The following SCN1A variants were observed in gnomAD, a reference collection of about 807,000 sequenced individuals.
SCN1A encodes the protein sodium voltage-gated channel alpha subunit 1.
A neutral mutation model predicts 193.7 loss-of-function variants in SCN1A; 13 were observed. The ratio of observed to expected loss-of-function variants is 0.07; its 90% CI spans 0.04 to 0.11. The LOEUF (loss-of-function observed/expected upper bound fraction) is 0.11, where lower values mean the gene tolerates loss of function less well. Among genes scored for constraint, SCN1A ranks in the 10% least tolerant of loss-of-function variants. The pLI, the probability that SCN1A is intolerant of heterozygous loss-of-function variation, is 1.00. For missense variants in SCN1A, 1,432 were observed against 2,451.1 expected (o/e 0.58, Z 8.78); for synonymous variants, 781 against 843.6 (o/e 0.93, Z 1.29).
At chr2:166,107,440 G>A (rs1287496793) in intron 2 of SCN1A, among the ~76,000 whole-genome samples, 1 of 151,886 alleles carries the variant, frequency 6.6e-6, no homozygotes, top group Non-Finnish European at 1.5e-5. Context: ...TACAAAACAC[G>A]ATAGTTCAAA....
rs1689384635 is a variant in SCN1A, at chr2:165,992,434, CA to C, written c.4853-13del. The stretch of plus-strand genomic sequence containing the variant: ...GGCAAGAAACATACCTATGAATAAA[CA>C]ATGAGAATACCAACCAGTGAAGAAA... On this transcript the variant is annotated splice_polypyrimidine_tract_variant and intron_variant, in intron 28 of 28. Coordinates refer to ENST00000674923, the MANE Select transcript of SCN1A (RefSeq NM_001165963.4). This position sits in a 1 kb window ranked among gnomAD's most constrained non-coding sequence, Gnocchi z 6.5. 2.5e-6 allele frequency: 4 copies of C among 1,612,944 alleles called. No individual in the cohort carries two copies. The highest frequency in any genetic ancestry group is 3.4e-6 in the Non-Finnish European group (4 of 1,179,362).
At position 166,039,600 on chromosome 2, in the gene SCN1A, A is replaced by C. The variant is rs398123587; in HGVS notation, c.2416-4T>G. ...CTGTAAAGATCCCAGTGAAAACCTA[A>C]GATCAAAACAAAATTAATCTAATTC... is the stretch of plus-strand genomic sequence containing the variant. On this transcript the variant is annotated splice_polypyrimidine_tract_variant and splice_region_variant and intron_variant, in intron 16 of 28. Transcript: ENST00000674923. 2.0e-5 allele frequency: 33 copies of C among 1,612,708 alleles called. 1 individual carries two copies. The South Asian group carries it at 3.6e-4, about 18-fold the overall frequency.
At chr2:166,084,069 G>A (rs1685820597) in intron 2 of SCN1A, among the ~76,000 whole-genome samples, 1 of 152,106 alleles carries the variant, frequency 6.6e-6, no homozygotes, top group Non-Finnish European at 1.5e-5. Flanking sequence ...AGCTAGCAAT[G>A]AGAGAGGCAC....
At chr2:166,075,849 T>C (rs1008102690) in intron 3 of SCN1A, among the ~76,000 whole-genome samples, 4 of 152,010 alleles carry the variant, frequency 2.6e-5, no homozygotes, top group Admixed American at 2.6e-4. Flanking sequence ...TTTTGATATT[T>C]CCAATCTGAC....
chr2:166,076,868 C>G (rs115442843), intron 3 of SCN1A, among the ~76,000 whole-genome samples: 1 of 151,090 alleles, frequency 6.6e-6, no homozygotes, highest in Non-Finnish European at 1.5e-5. Context: ...AGACCTTATG[C>G]CTTTCACAAA....
chr2:166,035,836 A>T (rs11691603), intron 19 of SCN1A, among the ~76,000 whole-genome samples: 1 of 152,010 alleles, frequency 6.6e-6, no homozygotes, highest in African/African-American at 2.4e-5. Context: ...GCATGAGAGT[A>T]TATTGTACCA....
chr2:166,113,871 A>T (rs936514277), intron 2 of SCN1A, among the ~76,000 whole-genome samples: 1 of 152,168 alleles, frequency 6.6e-6, no homozygotes, highest in Non-Finnish European at 1.5e-5. Context: ...CAAATATACA[A>T]AAATTTTTAA....
At chr2:165,993,283 G>T (rs1252105855) in intron 28 of SCN1A, 1 of 151,544 alleles carries the variant, frequency 6.6e-6, no homozygotes, top group Non-Finnish European at 1.5e-5. Flanking sequence ...TTATAACCAA[G>T]GATTATAATT....
intron 2 of SCN1A, among the ~76,000 whole-genome samples, chr2:166,104,792 C>T (rs1688513078): frequency 1.3e-5 from 2 of 152,052 alleles, no homozygotes; most frequent in South Asian, 4.1e-4. Context: ...TATGAGACCG[C>T]CAAATGATAT....
chr2:166,006,283 C>A (rs1305819720), intron 23 of SCN1A, among the ~76,000 whole-genome samples: 1 of 151,182 alleles, frequency 6.6e-6, no homozygotes, highest in Non-Finnish European at 1.5e-5. Context: ...TTAATTAAGA[C>A]AGTTTTTTTG....
At chr2:166,005,186 G>T (rs1691483988) in intron 23 of SCN1A, among the ~76,000 whole-genome samples, 1 of 151,304 alleles carries the variant, frequency 6.6e-6, no homozygotes. Flanking sequence ...ATCTTCCAGG[G>T]CCTTGAGTGT....
intron 1 of SCN1A, among the ~76,000 whole-genome samples, chr2:166,139,926 A>G (rs1692014648): frequency 6.6e-6 from 1 of 152,208 alleles, no homozygotes; most frequent in Admixed American, 6.5e-5. Flanking sequence ...AAACATATGG[A>G]TATTCAAGCA....
chr2:166,096,902 A>G (rs985275468), intron 2 of SCN1A, among the ~76,000 whole-genome samples: 3 of 152,188 alleles, frequency 2.0e-5, no homozygotes, highest in African/African-American at 7.2e-5. Flanking sequence ...TAGACCTCCA[A>G]ATTTGCCCTT....
chr2:166,104,322 T>C (rs958730052), intron 2 of SCN1A: 2 of 152,204 alleles, frequency 1.3e-5, no homozygotes, highest in African/African-American at 4.8e-5. Context: ...ATGAACATTG[T>C]CTAATGTTAC....
intron 2 of SCN1A, among the ~76,000 whole-genome samples, chr2:166,079,290 A>G (rs1246997935): frequency 1.3e-5 from 2 of 151,174 alleles, no homozygotes; most frequent in African/African-American, 2.4e-5. Flanking sequence ...TGATGTGTAG[A>G]TAACACTTAT....
At position 166,047,732 on chromosome 2, in the gene SCN1A, A is replaced by G. The variant is rs757535449; in HGVS notation, c.1065T>C (p.Gly355=). The part of the protein sequence containing the change: ...CPEGYMCVKA[G]RNPNYGYTSF... The stretch of plus-strand genomic sequence containing the variant: ...TTGTGTAGCCATAATTGGGATTTCT[A>G]CCAGCTTTCACACACATATATCCCT... Residue 355 remains glycine, a synonymous_variant, in exon 11 of 29, where the codon GGT becomes GGC. Coordinates refer to ENST00000674923, the MANE Select transcript of SCN1A (RefSeq NM_001165963.4). 21 of 1,613,550 alleles carry G rather than the reference A, an allele frequency of 1.3e-5. No homozygotes were observed. The highest frequency in any genetic ancestry group is 3.3e-5 in the Admixed American group (2 of 59,954).
intron 7 of SCN1A, among the ~76,000 whole-genome samples, chr2:166,053,597 T>G (rs1175129785): frequency 6.6e-6 from 1 of 151,942 alleles, no homozygotes; most frequent in African/African-American, 2.4e-5. Context: ...ATTTTGTTCT[T>G]AAGAAATAGA....
chr2:166,031,725 A>G (rs1695587165), intron 19 of SCN1A, among the ~76,000 whole-genome samples: 1 of 152,086 alleles, frequency 6.6e-6, no homozygotes, highest in Non-Finnish European at 1.5e-5. Context: ...ATGATGATTT[A>G]CCAGATATTC....
intron 18 of SCN1A, 58 bp from the exon 19 acceptor site, chr2:166,036,588 A>G (rs1324911559): frequency 6.5e-7 from 1 of 1,536,228 alleles, no homozygotes; most frequent in Non-Finnish European, 8.9e-7. Flanking sequence ...AGAGCAGATT[A>G]CAATCACTTA....
Sources: gnomAD v4.1 joint callset for allele counts (sites outside exome capture counted in the v4.1 genomes callset) on GRCh38, gnomAD v4.1.1 for gene constraint, Gnocchi (gnomAD v3.1) non-coding constraint, MANE v1.5 for transcripts, NCBI Gene and HGNC (gene_info 2026-07-23, HGNC 2026-07-21) for gene names.